Variants in DIDO1 observed in about 807,000 individuals in gnomAD.
DIDO1 encodes the protein death inducer-obliterator 1.
Under a neutral mutation model 99.4 loss-of-function variants are expected in DIDO1, and 16 were observed. That is an observed-to-expected ratio of 0.16 (90% CI 0.11 to 0.24). The LOEUF is 0.24. Among genes scored for constraint, DIDO1 ranks in the 10% least tolerant of loss-of-function variants. The pLI is 1.00. For missense variants in DIDO1, 2,996 were observed against 3,014.0 expected (o/e 0.99, Z 0.14); for synonymous variants, 1,366 against 1,239.1 (o/e 1.10, Z -2.15).
At position 62,880,782 on chromosome 20, in the gene DIDO1, G is replaced by A. The variant is rs1600898386; in HGVS notation, c.5174C>T (p.Pro1725Leu). ...GGTGCCCTCGCCGGGTCTGGCCTGT[G>A]GCTCTCTGTCCCCCTCTGTTTCACC... is the stretch of plus-strand genomic sequence containing the variant. ...PAGETEGDRE[P>L]QARPGEGTAP... Residue 1725 changes from proline (P) to leucine (L), a missense_variant, in exon 16 of 16, where the codon CCA becomes CTA. Pro to Leu is a moderately conservative substitution (Grantham distance 98). Coordinates refer to ENST00000395343, the MANE Select transcript of DIDO1 (RefSeq NM_001193369.2). 1.2e-6 allele frequency: 2 copies of A among 1,612,258 alleles called. No individual in the cohort carries two copies. Among genetic ancestry groups the A allele is most frequent in the Admixed American group, 3.3e-5 (2 of 59,990 alleles).
chr20:62,928,217 G>C (rs1478122647), upstream of DIDO1, among the ~76,000 whole-genome samples: 2 of 152,176 alleles, frequency 1.3e-5, no homozygotes, highest in Non-Finnish European at 2.9e-5. Context: ...ACTCAGGAGA[G>C]ATAGATGGAA....
chr20:62,894,642 A>T lies in DIDO1; in HGVS notation c.2437-94T>A. 2 of 1,518,974 alleles carry T rather than the reference A, an allele frequency of 1.3e-6. No homozygotes were observed. Among genetic ancestry groups the T allele is most frequent in the Non-Finnish European group, 1.8e-6 (2 of 1,132,740 alleles). 94.1% of individuals were successfully genotyped at this position (1,518,974 alleles called of 1,614,324 possible). A position where few individuals can be genotyped will look rare whatever the true frequency, so the allele number is the denominator to read the frequency against. On this transcript the variant is annotated intron_variant, in intron 10 of 15. Coordinates refer to ENST00000395343, the MANE Select transcript of DIDO1 (RefSeq NM_001193369.2). The surrounding 1 kb of genome is among the most constrained non-coding windows in gnomAD (Gnocchi z 4.4). ...CAAGAAAAGCAGTCTCATGGGATTG[A>T]GACCCACGGGGGAGAAAAAAGGACC...
At position 62,882,346 on chromosome 20, in the gene DIDO1, T is replaced by C. The variant is rs1392989394; in HGVS notation, c.3610A>G (p.Asn1204Asp). The C allele has an allele frequency of 2.5e-6, 4 of 1,614,028 alleles. No homozygotes were observed. Among genetic ancestry groups the C allele is most frequent in the East Asian group, 2.2e-5 (1 of 44,878 alleles). ...VICQKIKRPA[N>D]SGELDKMDEK... ...TCCATCTTGTCTAACTCTCCACTGT[T>C]TGCGGGACGTTTGATTTTTTGGCAG... Residue 1204 changes from asparagine to aspartate, a missense_variant, in exon 16 of 16, where the codon AAC becomes GAC. Around this residue, in one of 5 missense-constraint regions of DIDO1, gnomAD observed 135 missense variants for 202.3 expected, o/e 0.67. Coordinates refer to ENST00000395343, the MANE Select transcript of DIDO1 (RefSeq NM_001193369.2).
chr20:62,922,892 G>T (rs1043866563), intron 1 of DIDO1, among the ~76,000 whole-genome samples: 2 of 152,206 alleles, frequency 1.3e-5, no homozygotes, highest in Admixed American at 1.3e-4. Flanking sequence ...AATTAAGTAG[G>T]AAGTACACAC....
intron 15 of DIDO1, among the ~76,000 whole-genome samples, chr20:62,885,352 A>G (rs921260410): frequency 2.6e-5 from 4 of 152,166 alleles, no homozygotes; most frequent in Non-Finnish European, 5.9e-5. Flanking sequence ...CAAGGGAGAC[A>G]CTCAGCTTCT....
intron 1 of DIDO1, among the ~76,000 whole-genome samples, chr20:62,920,163 G>C (rs1487688155): frequency 1.3e-5 from 2 of 152,164 alleles, no homozygotes; most frequent in South Asian, 2.1e-4. Context: ...ACCTCATGCC[G>C]CAAGTGTGGC....
At chr20:62,913,490 C>T (rs954198491) in intron 2 of DIDO1, among the ~76,000 whole-genome samples, 7 of 152,202 alleles carry the variant, frequency 4.6e-5, no homozygotes, top group Admixed American at 3.3e-4. Flanking sequence ...ATGCTGCTTA[C>T]AAATATATAT....
intron 13 of DIDO1, 132 bp downstream of exon 13, chr20:62,892,677 G>A (rs933960906): frequency 1.9e-5 from 24 of 1,239,894 alleles, no homozygotes; most frequent in African/African-American, 1.8e-4. Flanking sequence ...CCAGACAGAC[G>A]GTTGCAAGAG....
chr20:62,895,082 C>T lies in DIDO1; in HGVS notation c.2298G>A (p.Glu766=), dbSNP rs373722090. Residue 766 remains glutamate, a synonymous_variant, in exon 9 of 16, where the codon GAG becomes GAA. Coordinates refer to ENST00000395343, the MANE Select transcript of DIDO1 (RefSeq NM_001193369.2). ...RLKPEELVSK[E]LSTWKERPAR... is the part of the protein sequence containing the mutation. ...CTGGCCTCTCTTTCCACGTGGAAAG[C>T]TCTTTAGATACAAGTTCTTCTGGCT... 29 of 1,611,662 alleles carry T rather than the reference C, an allele frequency of 1.8e-5. No individual in the cohort carries two copies. In the African/African-American group the frequency reaches 2.8e-4, roughly 16 times the overall value.
chr20:62,885,454 C>T (rs551978642), intron 15 of DIDO1, among the ~76,000 whole-genome samples: 4 of 152,314 alleles, frequency 2.6e-5, no homozygotes, highest in Admixed American at 6.5e-5. Flanking sequence ...CTTTTAATGG[C>T]TAACTTGCTT....
chr20:62,926,164 C>G (rs2065249390), intron 1 of DIDO1, among the ~76,000 whole-genome samples: 1 of 152,126 alleles, frequency 6.6e-6, no homozygotes, highest in Non-Finnish European at 1.5e-5. Flanking sequence ...CCACCGAGTG[C>G]TCGCCAGTCC....
rs753042860 is a variant in DIDO1, at chr20:62,896,973, C to T, written c.1612G>A (p.Glu538Lys). The change falls in exon 7 of 16, where the codon GAG (glutamate) becomes AAG (lysine). Residue 538 changes from glutamate to lysine, a missense_variant. Physicochemically the swap from Glu to Lys is moderately conservative, Grantham distance 56. Around this residue, in one of 5 missense-constraint regions of DIDO1, gnomAD observed 898 missense variants for 972.7 expected, o/e 0.92. Transcript: ENST00000395343. The surrounding 1 kb of genome is among the most constrained non-coding windows in gnomAD (Gnocchi z 4.4). ...YKSTKEDRRS[E>K]EKAAAMAASK... is the part of the protein sequence containing the mutation. ...GCTGCCATGGCTGCCGCTTTCTCCT[C>T]GGACCTCCTGTCTTCCTTCGTGGCT... 1.9e-6 allele frequency: 3 copies of T among 1,613,166 alleles called. No individual in the cohort carries two copies. The highest frequency in any genetic ancestry group is 1.7e-5 in the Admixed American group (1 of 59,882).
chr20:62,927,072 C>T (rs137882026), upstream of DIDO1, among the ~76,000 whole-genome samples: 1 of 152,020 alleles, frequency 6.6e-6, no homozygotes, highest in Non-Finnish European at 1.5e-5. Flanking sequence ...CCTGCTGCCT[C>T]CCCACCCCAA....
chr20:62,926,246 CCCCGCCCGCTCGCCCG>C (rs1296951465), intron 1 of DIDO1, among the ~76,000 whole-genome samples, 177 bp downstream of exon 1: 110 of 104,626 alleles, frequency 1.1e-3, no homozygotes, highest in Middle Eastern at 0.011. Flanking sequence ...CTCTGACCGG[CCCCGCCCGCTCGCCCG>C]CCCGCCCGCC....
chr20:62,879,161 A>T lies in DIDO1; in HGVS notation c.*72T>A. 2 of 1,337,346 alleles carry T rather than the reference A, an allele frequency of 1.5e-6. No individual in the cohort carries two copies. Among genetic ancestry groups the T allele is most frequent in the African/African-American group, 3.0e-5 (2 of 66,088 alleles). The allele number at this position is 1,337,346 out of a possible 1,614,324, so 82.8% of individuals were successfully genotyped here. A position where few individuals can be genotyped will look rare whatever the true frequency, so the allele number is the denominator to read the frequency against. On this transcript the variant is annotated 3_prime_UTR_variant, in exon 16 of 16. Coordinates refer to ENST00000395343, the MANE Select transcript of DIDO1 (RefSeq NM_001193369.2). The surrounding 1 kb of genome is among the most constrained non-coding windows in gnomAD (Gnocchi z 6.3). ...CTATCCTGAATCTAAGATCGTGGCT[A>T]TTTCAAAAGCTATTTGTTCAACGCA...
At chr20:62,885,991 G>A (rs374711139) in intron 15 of DIDO1, among the ~76,000 whole-genome samples, 4 of 152,336 alleles carry the variant, frequency 2.6e-5, no homozygotes, top group South Asian at 2.1e-4. Flanking sequence ...CCCTCCCCTC[G>A]GCAGCTGCCC....
intron 1 of DIDO1, among the ~76,000 whole-genome samples, chr20:62,923,550 A>AGAC (rs2065196398): frequency 1.3e-5 from 2 of 152,206 alleles, no homozygotes; most frequent in African/African-American, 4.8e-5. Context: ...TGAGAGCCGC[A>AGAC]GACAAGCCGG....
rs533657058 is a variant in DIDO1, at chr20:62,909,684, C to T, written c.1161+15G>A. On this transcript the variant is annotated intron_variant, in intron 4 of 15. Transcript: ENST00000395343. The stretch of plus-strand genomic sequence containing the variant: ...GCCGACTGCTGAATGCTCGTCTCAG[C>T]GGACAAACACTTACAGGCTGGAAGA... 42 of 1,610,110 alleles carry T rather than the reference C, an allele frequency of 2.6e-5. No homozygotes were observed. The highest frequency in any genetic ancestry group is 4.0e-5 in the African/African-American group (3 of 74,870).
In DIDO1 at chr20:62,879,464, G is replaced by C. The variant is rs754122949; in HGVS notation, c.6492C>G (p.Asp2164Glu). Residue 2164 changes from aspartate to glutamate, a missense_variant, in exon 16 of 16, where the codon GAC becomes GAG. Around this residue, in one of 5 missense-constraint regions of DIDO1, gnomAD observed 1,562 missense variants for 1,412.6 expected, o/e 1.11. Transcript: ENST00000395343. This position sits in a 1 kb window ranked among gnomAD's most constrained non-coding sequence, Gnocchi z 6.3. ...SANRDREREA[D>E]RGKEWDRSRE... Reference sequence around the variant, plus strand: ...GGCTGCGGTCCCACTCCTTGCCCCGGTCGGCCTCGCGCTCTCGGTCGCGGT... The same window carrying C: ...GGCTGCGGTCCCACTCCTTGCCCCGCTCGGCCTCGCGCTCTCGGTCGCGGT... 3 of 1,565,498 alleles carry C rather than the reference G, an allele frequency of 1.9e-6. No homozygotes were observed. In the South Asian group the frequency reaches 3.4e-5, roughly 18 times the overall value.
Sources: allele counts gnomAD v4.1 joint callset (sites outside exome capture counted in the v4.1 genomes callset), GRCh38; gene constraint gnomAD v4.1.1; regional missense constraint gnomAD v4.1.1; non-coding constraint Gnocchi (gnomAD v3.1); transcripts MANE v1.5; gene names NCBI Gene and HGNC (gene_info 2026-07-23, HGNC 2026-07-21).